CREBZF: variants seen among roughly 807,000 people sequenced by gnomAD.
The protein encoded by CREBZF is CREB/ATF bZIP transcription factor, also known as HCF-binding transcription factor Zhangfei.
Under a neutral mutation model 21.1 loss-of-function variants are expected in CREBZF, and 8 were observed. That is an observed-to-expected ratio of 0.38 (90% confidence interval 0.22 to 0.68). CREBZF has a LOEUF of 0.68. Among genes scored for constraint, CREBZF ranks in the 30% least tolerant of loss-of-function variants. CREBZF has a pLI of 0.51. For synonymous variants in CREBZF, 270 were observed against 223.3 expected (o/e 1.21, Z -1.86); for missense variants, 518 against 484.3 (o/e 1.07, Z -0.65).
At chr11:85,678,245 G>A (rs183369933) in intron 1 of CREBZF, among the ~76,000 whole-genome samples, 10 of 152,270 alleles carry the variant, frequency 6.6e-5, no homozygotes, top group Admixed American at 3.3e-4. Context: ...CCTCCAGGGA[G>A]CCTTTCTTCA....
At position 85,664,847 on chromosome 11, in the gene CREBZF, G is replaced by A. The variant is rs774828854; in HGVS notation, c.29C>T (p.Ala10Val). 1 of 1,525,360 alleles carries A rather than the reference G, an allele frequency of 6.6e-7. No homozygotes were observed. The highest frequency in any genetic ancestry group is 8.8e-7 in the Non-Finnish European group (1 of 1,141,910). The allele number at this position is 1,525,360 out of a possible 1,614,324, so 94.5% of individuals were successfully genotyped here. A position where few individuals can be genotyped will look rare whatever the true frequency, so the allele number is the denominator to read the frequency against. Residue 10 changes from alanine to valine, a missense_variant, in exon 1 of 1, where the codon GCA becomes GTA. Physicochemically the swap from Ala to Val is moderately conservative, Grantham distance 64. Around this residue, in one of 3 missense-constraint regions of CREBZF, gnomAD observed 396 missense variants for 324.4 expected, o/e 1.22. Transcript: ENST00000527447. The surrounding 1 kb of genome is among the most constrained non-coding windows in gnomAD (Gnocchi z 5.5). MRHSLTKLL[A>V]ASGSNSPTRS... is the part of the protein sequence containing the mutation. Reference sequence around the variant, plus strand: ...GGTTGGGGAGTTGCTGCCCGAGGCTGCCAGCAGCTTGGTCAGGCTATGCCT... The same window carrying A: ...GGTTGGGGAGTTGCTGCCCGAGGCTACCAGCAGCTTGGTCAGGCTATGCCT...
At chr11:85,681,008 T>C (rs575497298) in intron 1 of CREBZF, among the ~76,000 whole-genome samples, 1 of 152,270 alleles carries the variant, frequency 6.6e-6, no homozygotes, top group East Asian at 1.9e-4. Flanking sequence ...TCCTGATTGG[T>C]CTAAATCAAT....
chr11:85,672,761 C>A (rs1026474267), intron 1 of CREBZF, among the ~76,000 whole-genome samples: 2 of 152,184 alleles, frequency 1.3e-5, no homozygotes, highest in South Asian at 4.1e-4. Flanking sequence ...GGAAGAAGCA[C>A]CAATGCCTTT....
chr11:85,662,196 G>T lies in CREBZF; in HGVS notation c.*1615C>A. 1.8e-6 allele frequency: 1 copy of T among 555,470 alleles called. No homozygotes were observed. The highest frequency in any genetic ancestry group is 2.3e-5 in the South Asian group (1 of 43,680). 34.4% of individuals were successfully genotyped at this position (555,470 alleles called of 1,614,324 possible). On this transcript the variant is annotated 3_prime_UTR_variant, in exon 1 of 1. Transcript: ENST00000527447. ...TTCAGGTCTCAAATCGTATTATCTAGCAACAAAACATTTACAGTTGTGCAA... is the reference window on the plus strand; with the variant it reads ...TTCAGGTCTCAAATCGTATTATCTATCAACAAAACATTTACAGTTGTGCAA...
In CREBZF at chr11:85,658,877, T is replaced by G. The variant is rs1231560288; in HGVS notation, c.*4934A>C. On this transcript the variant is annotated 3_prime_UTR_variant, in exon 1 of 1. Coordinates refer to ENST00000527447, the MANE Select transcript of CREBZF (RefSeq NM_001039618.4). ...GTTTACAACACAGTAACTACACTTT[T>G]CAATTAGTTCATTGTGAAAACTGAG... 6.6e-6 allele frequency among the ~76,000 whole-genome samples: 1 copy of G among 152,052 alleles called. No homozygotes were observed. The highest frequency in any genetic ancestry group is 1.9e-4 in the East Asian group (1 of 5,202).
chr11:85,668,254 T>C (rs2082886137), upstream of CREBZF, among the ~76,000 whole-genome samples: 1 of 152,222 alleles, frequency 6.6e-6, no homozygotes, highest in Admixed American at 6.5e-5. Context: ...TTTAGAAGAC[T>C]TTCCAAGTTC....
rs181034509 is a variant in CREBZF, at chr11:85,659,004, G to T, written c.*4807C>A. 1.3e-5 allele frequency among the ~76,000 whole-genome samples: 2 copies of T among 152,108 alleles called. No individual in the cohort carries two copies. Among genetic ancestry groups the T allele is most frequent in the Admixed American group, 1.3e-4 (2 of 15,276 alleles). ...AGTACTGAGGCTACACAGAGGTACT[G>T]AAATTCAAATCTGAAAAATACTGTG... On this transcript the variant is annotated 3_prime_UTR_variant, in exon 1 of 1. Transcript: ENST00000527447.
chr11:85,662,818 T>A lies in CREBZF; in HGVS notation c.*993A>T, dbSNP rs1401187329. On this transcript the variant is annotated 3_prime_UTR_variant, in exon 1 of 1. Transcript: ENST00000527447. ...ACCTAAAATTTTAATACAACAAAAA[T>A]AAAGATGTTCAACAATTTATTCAAT... 5.8e-6 allele frequency: 1 copy of A among 171,580 alleles called. No homozygotes were observed. Among genetic ancestry groups the A allele is most frequent in the Non-Finnish European group, 1.2e-5 (1 of 80,876 alleles). The allele number at this position is 171,580 out of a possible 1,614,324, so 10.6% of individuals were successfully genotyped here.
At chr11:85,670,838 G>A (rs1209186796) in intron 1 of CREBZF, among the ~76,000 whole-genome samples, 1 of 152,192 alleles carries the variant, frequency 6.6e-6, no homozygotes, top group African/African-American at 2.4e-5. Flanking sequence ...TAGTACCTTA[G>A]AATGTGACCT....
chr11:85,682,817 G>A (rs1159102375), exon 1 of CREBZF: 3 of 702,124 alleles, frequency 4.3e-6, no homozygotes. Context: ...GATTACCACG[G>A]GGCCGCAATT....
rs976861972 is a variant in CREBZF, at chr11:85,659,999, A to G, written c.*3812T>C. The G allele has an allele frequency of 6.6e-6, 1 of 152,096 alleles. No homozygotes were observed. The highest frequency in any genetic ancestry group is 6.5e-5 in the Admixed American group (1 of 15,268). The allele number at this position is 152,096 out of a possible 1,614,324, so 9.4% of individuals were successfully genotyped here. Reference sequence around the variant, plus strand: ...TTAACTACCCACACATTTAATCATAATCAACTTTTTCAAAGATATACAAAT... The same window carrying G: ...TTAACTACCCACACATTTAATCATAGTCAACTTTTTCAAAGATATACAAAT... On this transcript the variant is annotated 3_prime_UTR_variant, in exon 1 of 1. Transcript: ENST00000527447.
In CREBZF at chr11:85,663,504, G is replaced by A; in HGVS notation, c.*307C>T. 1 of 886,884 alleles carries A rather than the reference G, an allele frequency of 1.1e-6. No individual in the cohort carries two copies. 54.9% of individuals were successfully genotyped at this position (886,884 alleles called of 1,614,324 possible). On this transcript the variant is annotated 3_prime_UTR_variant, in exon 1 of 1. Coordinates refer to ENST00000527447, the MANE Select transcript of CREBZF (RefSeq NM_001039618.4). ...CAAAGCAGCAGAGCATGAGCGTTACGGGAAGAGATGGATCCTTACCAGGTT... is the reference window on the plus strand; with the variant it reads ...CAAAGCAGCAGAGCATGAGCGTTACAGGAAGAGATGGATCCTTACCAGGTT...
chr11:85,666,981 T>A (rs1345618338), upstream of CREBZF, among the ~76,000 whole-genome samples: 1 of 152,208 alleles, frequency 6.6e-6, no homozygotes, highest in East Asian at 1.9e-4. Flanking sequence ...TGGCTGGTAA[T>A]CCCATCCAAC....
At chr11:85,665,679 A>T (rs2082850616), upstream of CREBZF, among the ~76,000 whole-genome samples, 1 of 152,080 alleles carries the variant, frequency 6.6e-6, no homozygotes, top group African/African-American at 2.4e-5. Context: ...TTAAAACCAA[A>T]GCAAAATGAA....
exon 1 of CREBZF, chr11:85,682,803 C>T: frequency 1.4e-6 from 1 of 701,924 alleles, no homozygotes; most frequent in South Asian, 1.5e-5. Context: ...ACTTAGGCCC[C>T]AAGGATTACC....
chr11:85,674,372 CT>C (rs1298558012), intron 1 of CREBZF, among the ~76,000 whole-genome samples: 1 of 152,164 alleles, frequency 6.6e-6, no homozygotes, highest in Non-Finnish European at 1.5e-5. Flanking sequence ...GGAAAGGAAT[CT>C]TTTTTTCTGA....
Position 85,663,569 on chromosome 11 carries a change from GC to G in CREBZF, c.*241del, listed in dbSNP as rs769395878. On this transcript the variant is annotated 3_prime_UTR_variant, in exon 1 of 1. Transcript: ENST00000527447. ...ACTGTTCTGTAACCCCTACAACGGA[GC>G]CTGGCAGGAAGGAAATCACCTAAAA... is the stretch of plus-strand genomic sequence containing the variant. 1 of 1,508,414 alleles carries G rather than the reference GC, an allele frequency of 6.6e-7. No homozygotes were observed. Among genetic ancestry groups the G allele is most frequent in the African/African-American group, 1.4e-5 (1 of 72,234 alleles). 93.4% of individuals were successfully genotyped at this position (1,508,414 alleles called of 1,614,324 possible).
In CREBZF at chr11:85,664,184, C is replaced by T. The variant is rs1328804382; in HGVS notation, c.692G>A (p.Gly231Glu). The change falls in exon 1 of 1, where the codon GGG becomes GAG. Residue 231 changes from glycine (G) to glutamate (E), a missense_variant. Coordinates refer to ENST00000527447, the MANE Select transcript of CREBZF (RefSeq NM_001039618.4). This position sits in a 1 kb window ranked among gnomAD's most constrained non-coding sequence, Gnocchi z 5.5. Reference sequence around the variant, plus strand: ...CAGACCCCGGACTCGACTCTCCAGCCCCATCACGTACTCCTTCTTCTTCAG... The same window carrying T: ...CAGACCCCGGACTCGACTCTCCAGCTCCATCACGTACTCCTTCTTCTTCAG... ...NRLKKKEYVM[G>E]LESRVRGLAA... The T allele has an allele frequency of 6.2e-7, 1 of 1,613,490 alleles. No individual in the cohort carries two copies. The highest frequency in any genetic ancestry group is 8.5e-7 in the Non-Finnish European group (1 of 1,180,014).
At chr11:85,667,023 A>G (rs2082875159), upstream of CREBZF, among the ~76,000 whole-genome samples, 1 of 152,188 alleles carries the variant, frequency 6.6e-6, no homozygotes, top group African/African-American at 2.4e-5. Context: ...ATTCAATATT[A>G]TTAACTGATT....
Sources: gnomAD v4.1 joint callset for allele counts (sites outside exome capture counted in the v4.1 genomes callset) on GRCh38, gnomAD v4.1.1 for gene constraint, gnomAD v4.1.1 regional missense constraint, Gnocchi (gnomAD v3.1) non-coding constraint, MANE v1.5 for transcripts, NCBI Gene and HGNC (gene_info 2026-07-23, HGNC 2026-07-21) for gene names.